Variants in PRR7 observed in about 807,000 individuals in gnomAD.
The protein encoded by PRR7 is proline-rich protein 7.
In PRR7, 8 loss-of-function variants were observed where a neutral mutation model predicts 18.5. The observed-to-expected ratio is 0.43, with a 90% CI of 0.25 to 0.78. PRR7 has a LOEUF of 0.78. Ranked by LOEUF, PRR7 falls within the 30% of genes least tolerant of loss-of-function variation. The pLI is 0.22. For synonymous variants in PRR7, 221 were observed against 187.7 expected, an observed-to-expected ratio of 1.18 and a Z score of -1.45; for missense variants, 396 against 403.1, an observed-to-expected ratio of 0.98 and a Z score of 0.15.
In PRR7 at chr5:177,449,225, G is replaced by C. The variant is rs1756067152; in HGVS notation, c.-325+2265G>C. Among the ~76,000 whole-genome samples, 1 of 152,272 alleles carries C rather than the reference G, an allele frequency of 6.6e-6. No homozygotes were observed. Among genetic ancestry groups the C allele is most frequent in the Non-Finnish European group, 1.5e-5 (1 of 68,046 alleles). The stretch of plus-strand genomic sequence containing the variant: ...TGTCCAACCTAAGGGTCCTGTGTCT[G>C]AGACCTCTGGTCCGTGGGAAAGGGA... On this transcript the variant is annotated intron_variant, in intron 1 of 3. Coordinates refer to ENST00000323249, the MANE Select transcript of PRR7 (RefSeq NM_030567.5). The surrounding 1 kb of genome is among the most constrained non-coding windows in gnomAD (Gnocchi z 4.2).
intron 1 of PRR7, among the ~76,000 whole-genome samples, chr5:177,453,116 A>G (rs1213600806): frequency 6.6e-6 from 1 of 152,140 alleles, no homozygotes; most frequent in Non-Finnish European, 1.5e-5. Flanking sequence ...TGTCTATCAA[A>G]TGGGCACAAC....
At position 177,454,560 on chromosome 5, in the gene PRR7, G is replaced by T. The variant is rs1432420311; in HGVS notation, c.-239-269G>T. Among the ~76,000 whole-genome samples, 1 of 152,178 alleles carries T rather than the reference G, an allele frequency of 6.6e-6. No homozygotes were observed. Among genetic ancestry groups the T allele is most frequent in the Non-Finnish European group, 1.5e-5 (1 of 68,008 alleles). On this transcript the variant is annotated intron_variant, in intron 2 of 3. Transcript: ENST00000323249. The surrounding 1 kb of genome is among the most constrained non-coding windows in gnomAD (Gnocchi z 4.7). ...TCTCTCGTTCGGACTCAGAGCTGGA[G>T]TCCGTCCTTCGCGCGCCCCCTGCTG...
chr5:177,448,878 GA>G (rs1310771297), intron 1 of PRR7, among the ~76,000 whole-genome samples: 1 of 152,238 alleles, frequency 6.6e-6, no homozygotes, highest in Non-Finnish European at 1.5e-5. Flanking sequence ...CTGTGGGAGA[GA>G]AAATTTAGCA....
chr5:177,448,048 G>A (rs1232120026), intron 1 of PRR7, among the ~76,000 whole-genome samples: 3 of 152,196 alleles, frequency 2.0e-5, no homozygotes, highest in Non-Finnish European at 2.9e-5. Flanking sequence ...TCCCCTCAGC[G>A]GGCATCATGC....
At position 177,454,010 on chromosome 5, in the gene PRR7, A is replaced by T. The variant is rs1756274800; in HGVS notation, c.-270A>T. The T allele has an allele frequency of 6.6e-6, 1 of 152,252 alleles. No individual in the cohort carries two copies. The highest frequency in any genetic ancestry group is 6.5e-5 in the Admixed American group (1 of 15,274). 9.4% of individuals were successfully genotyped at this position (152,252 alleles called of 1,614,324 possible). A position where few individuals can be genotyped will look rare whatever the true frequency, so the allele number is the denominator to read the frequency against. On this transcript the variant is annotated 5_prime_UTR_variant, in exon 2 of 4. Transcript: ENST00000323249. This position sits in a 1 kb window ranked among gnomAD's most constrained non-coding sequence, Gnocchi z 4.7. The stretch of plus-strand genomic sequence containing the variant: ...TGTGGAGAGGAGGAAGCGGAACTAG[A>T]GATGCCCATCTGGAGTGAGTGCAGG...
At chr5:177,453,602 C>T (rs545666691) in intron 1 of PRR7, among the ~76,000 whole-genome samples, 2 of 152,254 alleles carry the variant, frequency 1.3e-5, no homozygotes, top group Admixed American at 1.3e-4. Flanking sequence ...CCCTGTGGCT[C>T]TCGAAGCAGT....
chr5:177,452,453 G>C (rs1444894968), intron 1 of PRR7, among the ~76,000 whole-genome samples: 1 of 152,226 alleles, frequency 6.6e-6, no homozygotes, highest in African/African-American at 2.4e-5. Context: ...TGAAAGGTCT[G>C]AATGAACCTC....
At position 177,455,530 on chromosome 5, in the gene PRR7, C is replaced by T. The variant is rs1329775987; in HGVS notation, c.427+36C>T. ...ACCTCCGCCAGGGGGCGATCCGGGCCGCCGGAAGTGGGCGGGCGTTGGAGG... is the reference window on the plus strand; with the variant it reads ...ACCTCCGCCAGGGGGCGATCCGGGCTGCCGGAAGTGGGCGGGCGTTGGAGG... On this transcript the variant is annotated intron_variant, in intron 3 of 3. Transcript: ENST00000323249. This position sits in a 1 kb window ranked among gnomAD's most constrained non-coding sequence, Gnocchi z 6.9. 3.5e-6 allele frequency: 5 copies of T among 1,447,670 alleles called. No homozygotes were observed. The highest frequency in any genetic ancestry group is 3.6e-6 in the Non-Finnish European group (4 of 1,110,952). The allele number at this position is 1,447,670 out of a possible 1,614,324, so 89.7% of individuals were successfully genotyped here.
Position 177,455,714 on chromosome 5 carries a change from C to T in PRR7, c.428-10C>T, listed in dbSNP as rs781719043. ...GGCCTCACCTCCTCCGACCGCCTCC[C>T]ACTCCGCAGCGGAATCGGACATGTC... On this transcript the variant is annotated splice_polypyrimidine_tract_variant and intron_variant, in intron 3 of 3. Coordinates refer to ENST00000323249, the MANE Select transcript of PRR7 (RefSeq NM_030567.5). This position sits in a 1 kb window ranked among gnomAD's most constrained non-coding sequence, Gnocchi z 6.9. 1.3e-6 allele frequency: 2 copies of T among 1,570,438 alleles called. No individual in the cohort carries two copies. Among genetic ancestry groups the T allele is most frequent in the Admixed American group, 1.7e-5 (1 of 57,194 alleles).
At position 177,454,875 on chromosome 5, in the gene PRR7, C is replaced by A; in HGVS notation, c.-193C>A. 1.4e-6 allele frequency: 1 copy of A among 697,514 alleles called. No homozygotes were observed. Among genetic ancestry groups the A allele is most frequent in the Non-Finnish European group, 2.0e-6 (1 of 512,794 alleles). 43.2% of individuals were successfully genotyped at this position (697,514 alleles called of 1,614,324 possible). A position where few individuals can be genotyped will look rare whatever the true frequency, so the allele number is the denominator to read the frequency against. On this transcript the variant is annotated 5_prime_UTR_variant, in exon 3 of 4. Transcript: ENST00000323249. This position sits in a 1 kb window ranked among gnomAD's most constrained non-coding sequence, Gnocchi z 4.7. ...GGCACGCCCGCGCGCCCGCCGGCGC[C>A]ATGGGAAGGAGCGGGCGCCGCTGCT...
At chr5:177,452,467 T>G (rs897225817) in intron 1 of PRR7, among the ~76,000 whole-genome samples, 2 of 152,184 alleles carry the variant, frequency 1.3e-5, no homozygotes, top group African/African-American at 4.8e-5. Context: ...GAACCTCTGA[T>G]GTTTATGTAT....
In PRR7 at chr5:177,450,313, A is replaced by AC. The variant is rs1561668224; in HGVS notation, c.-325+3359dup. On this transcript the variant is annotated intron_variant, in intron 1 of 3. Transcript: ENST00000323249. The surrounding 1 kb of genome is among the most constrained non-coding windows in gnomAD (Gnocchi z 6.6). ...CTGCTGCCCGGGATTTTCCATCCCC[A>AC]CCCCCCAGAGCCCTGGTGTGTGCCT... 6.6e-6 allele frequency among the ~76,000 whole-genome samples: 1 copy of AC among 151,592 alleles called. No individual in the cohort carries two copies. The highest frequency in any genetic ancestry group is 2.4e-5 in the African/African-American group (1 of 41,166).
chr5:177,447,688 C>G (rs1755965621), intron 1 of PRR7: 1 of 152,198 alleles, frequency 6.6e-6, no homozygotes, highest in South Asian at 2.1e-4. Flanking sequence ...TCCTCACGGC[C>G]GAGGCACGTG....
intron 1 of PRR7, among the ~76,000 whole-genome samples, chr5:177,452,709 T>C (rs1756218985): frequency 6.6e-6 from 1 of 152,202 alleles, no homozygotes; most frequent in Admixed American, 6.5e-5. Context: ...GTTTATAAAA[T>C]GCAGCTATGA....
intron 1 of PRR7, among the ~76,000 whole-genome samples, chr5:177,448,070 A>G (rs1275027767): frequency 6.6e-6 from 1 of 152,182 alleles, no homozygotes; most frequent in Non-Finnish European, 1.5e-5. Context: ...GGAGAGAGAA[A>G]TGGCCCTCCT....
In PRR7 at chr5:177,454,877, T is replaced by G; in HGVS notation, c.-191T>G. The G allele has an allele frequency of 1.3e-5, 9 of 690,282 alleles. No individual in the cohort carries two copies. Among genetic ancestry groups the G allele is most frequent in the Non-Finnish European group, 1.4e-5 (7 of 509,654 alleles). 42.8% of individuals were successfully genotyped at this position (690,282 alleles called of 1,614,324 possible). A position where few individuals can be genotyped will look rare whatever the true frequency, so the allele number is the denominator to read the frequency against. On this transcript the variant is annotated 5_prime_UTR_variant, in exon 3 of 4. It removes an upstream start codon present in the reference 5' UTR. Coordinates refer to ENST00000323249, the MANE Select transcript of PRR7 (RefSeq NM_030567.5). The surrounding 1 kb of genome is among the most constrained non-coding windows in gnomAD (Gnocchi z 4.7). ...CACGCCCGCGCGCCCGCCGGCGCCA[T>G]GGGAAGGAGCGGGCGCCGCTGCTGT...
At chr5:177,452,962 G>T (rs1214715704) in intron 1 of PRR7, among the ~76,000 whole-genome samples, 2 of 152,230 alleles carry the variant, frequency 1.3e-5, no homozygotes, top group Non-Finnish European at 2.9e-5. Flanking sequence ...TTGGCTGCTA[G>T]CTGGCTTGTC....
chr5:177,455,915 G>T lies in PRR7; in HGVS notation c.619G>T (p.Asp207Tyr). The change falls in exon 4 of 4, where the codon GAC becomes TAC. Residue 207 changes from aspartate to tyrosine, a missense_variant. Physicochemically the swap from Asp to Tyr is radical, Grantham distance 160. Coordinates refer to ENST00000323249, the MANE Select transcript of PRR7 (RefSeq NM_030567.5). The surrounding 1 kb of genome is among the most constrained non-coding windows in gnomAD (Gnocchi z 6.9). ...TCCCAGCTACAAGCCGCTCTTCCTGGACCGGGGCTACACCTCGGCGCTGCA... is the reference window on the plus strand; with the variant it reads ...TCCCAGCTACAAGCCGCTCTTCCTGTACCGGGGCTACACCTCGGCGCTGCA... The part of the protein sequence containing the change: ...PPPSYKPLFL[D>Y]RGYTSALHLP... 1.9e-6 allele frequency: 3 copies of T among 1,608,366 alleles called. No individual in the cohort carries two copies. The highest frequency in any genetic ancestry group is 2.2e-5 in the East Asian group (1 of 44,822).
chr5:177,455,643 G>A lies in PRR7; in HGVS notation c.428-81G>A. The A allele has an allele frequency of 7.0e-7, 1 of 1,422,496 alleles. No individual in the cohort carries two copies. The highest frequency in any genetic ancestry group is 9.2e-7 in the Non-Finnish European group (1 of 1,084,266). The allele number at this position is 1,422,496 out of a possible 1,614,324, so 88.1% of individuals were successfully genotyped here. A position where few individuals can be genotyped will look rare whatever the true frequency, so the allele number is the denominator to read the frequency against. On this transcript the variant is annotated intron_variant, in intron 3 of 3. Transcript: ENST00000323249. The surrounding 1 kb of genome is among the most constrained non-coding windows in gnomAD (Gnocchi z 6.9). ...CTCGGGTTCGGGCTAGGGCTGGGGCGCGGGCGGCCCCTGGCCGGGGCCTCT... is the reference window on the plus strand; with the variant it reads ...CTCGGGTTCGGGCTAGGGCTGGGGCACGGGCGGCCCCTGGCCGGGGCCTCT...
Sources: allele counts gnomAD v4.1 joint callset (sites outside exome capture counted in the v4.1 genomes callset), GRCh38; gene constraint gnomAD v4.1.1; non-coding constraint Gnocchi (gnomAD v3.1); transcripts MANE v1.5; gene names NCBI Gene and HGNC (gene_info 2026-07-23, HGNC 2026-07-21).